PDK1: variants seen among roughly 807,000 people sequenced by gnomAD.
PDK1 encodes the protein pyruvate dehydrogenase kinase 1.
PDK1 carries 39 observed loss-of-function variants against 54.2 expected under a neutral mutation model. The ratio of observed to expected loss-of-function variants is 0.72; its 90% CI spans 0.56 to 0.94. The LOEUF (loss-of-function observed/expected upper bound fraction) is 0.94. Ranked by LOEUF, PDK1 falls within the 40% of genes least tolerant of loss-of-function variation. The pLI, the probability that PDK1 is intolerant of heterozygous loss-of-function variation, is 0.00. For missense variants in PDK1, 552 were observed against 566.0 expected, an observed-to-expected ratio of 0.98 and a Z score of 0.25; for synonymous variants, 221 against 207.1, an observed-to-expected ratio of 1.07 and a Z score of -0.58.
At position 172,604,953 on chromosome 2, in the gene PDK1, A is replaced by T. The variant is rs1168166886; in HGVS notation, c.*8984A>T. 6.6e-6 allele frequency: 1 copy of T among 152,230 alleles called. No homozygotes were observed. 9.4% of individuals were successfully genotyped at this position (152,230 alleles called of 1,614,324 possible). On this transcript the variant is annotated 3_prime_UTR_variant, in exon 11 of 11. Coordinates refer to ENST00000282077, the MANE Select transcript of PDK1 (RefSeq NM_002610.5). ...CCAAATGGCAGGCAGTAAATGGCTT[A>T]TTAAGCAAGTATAAGATTCAAGATC...
the PDK1 span, among the ~76,000 whole-genome samples, chr2:172,691,642 T>C: frequency 6.6e-6 from 1 of 152,236 alleles, no homozygotes; most frequent in East Asian, 1.9e-4. Flanking sequence ...TTTTGCAGAA[T>C]GTCATATAGT....
chr2:172,690,454 G>A, the PDK1 span, among the ~76,000 whole-genome samples: 1 of 150,234 alleles, frequency 6.7e-6, no homozygotes, highest in African/African-American at 2.4e-5. Flanking sequence ...GATTCCTCAG[G>A]GATCTAGAAC....
At chr2:172,673,853 C>G in the PDK1 span, among the ~76,000 whole-genome samples, 2 of 152,310 alleles carry the variant, frequency 1.3e-5, no homozygotes, top group East Asian at 3.9e-4. Flanking sequence ...AAATCCAAAA[C>G]AACCCATCTG....
the PDK1 span, among the ~76,000 whole-genome samples, chr2:172,624,707 G>A: frequency 6.6e-6 from 1 of 152,124 alleles, no homozygotes; most frequent in Non-Finnish European, 1.5e-5. Flanking sequence ...GAATAAGAAG[G>A]AAGGGGCAGG....
chr2:172,613,106 G>T (rs1691513834), downstream of PDK1, among the ~76,000 whole-genome samples: 1 of 152,168 alleles, frequency 6.6e-6, no homozygotes, highest in African/African-American at 2.4e-5. Flanking sequence ...AGCAGTACTG[G>T]GCATAGAGAA....
intron 6 of PDK1, 31 bp from the exon 7 acceptor site, chr2:172,568,710 T>C (rs528846597): frequency 1.5e-6 from 2 of 1,336,946 alleles, no homozygotes; most frequent in South Asian, 2.3e-5. Flanking sequence ...CATCTCTCTG[T>C]ACTTTCATAT....
At chr2:172,702,023 A>G in the PDK1 span, among the ~76,000 whole-genome samples, 2 of 152,248 alleles carry the variant, frequency 1.3e-5, no homozygotes, top group South Asian at 4.1e-4. Context: ...ATCTTCCTCC[A>G]AAAAGGATTT....
rs1448237543 is a variant in PDK1, at chr2:172,568,924, T to C, written c.846+107T>C. ...GGTTCTCCTATTAAGAAGTGCCATTTCACATCAGTATCATATCACATTGCT... is the reference window on the plus strand; with the variant it reads ...GGTTCTCCTATTAAGAAGTGCCATTCCACATCAGTATCATATCACATTGCT... On this transcript the variant is annotated intron_variant, in intron 7 of 10. Transcript: ENST00000282077. 1.3e-5 allele frequency: 9 copies of C among 698,622 alleles called. No individual in the cohort carries two copies. The Admixed American group carries it at 2.0e-4, about 16-fold the overall frequency. The allele number at this position is 698,622 out of a possible 1,614,324, so 43.3% of individuals were successfully genotyped here. A position where few individuals can be genotyped will look rare whatever the true frequency, so the allele number is the denominator to read the frequency against.
chr2:172,559,684 A>C (rs1205888600), intron 2 of PDK1, among the ~76,000 whole-genome samples: 1 of 152,054 alleles, frequency 6.6e-6, no homozygotes, highest in East Asian at 1.9e-4. Flanking sequence ...AGTAGCTGGG[A>C]TTACAGGCAC....
At chr2:172,629,870 A>C in the PDK1 span, among the ~76,000 whole-genome samples, 1 of 152,150 alleles carries the variant, frequency 6.6e-6, no homozygotes, top group Non-Finnish European at 1.5e-5. Flanking sequence ...CCGTCCTGTG[A>C]AGGTTTGAAA....
At chr2:172,579,163 C>T (rs998117909) in intron 8 of PDK1, among the ~76,000 whole-genome samples, 1 of 152,130 alleles carries the variant, frequency 6.6e-6, no homozygotes, top group Non-Finnish European at 1.5e-5. Flanking sequence ...TATTGTTTGC[C>T]CTAGCTGTTG....
chr2:172,644,820 G>A, the PDK1 span, among the ~76,000 whole-genome samples: 1 of 152,172 alleles, frequency 6.6e-6, no homozygotes, highest in Non-Finnish European at 1.5e-5. Flanking sequence ...GGAGTGTGAT[G>A]TCAGTCAGTA....
At chr2:172,578,400 T>G (rs1689694068) in intron 8 of PDK1, among the ~76,000 whole-genome samples, 1 of 152,236 alleles carries the variant, frequency 6.6e-6, no homozygotes, top group African/African-American at 2.4e-5. Context: ...AACTTAGTTC[T>G]CTTATATAAT....
At position 172,596,297 on chromosome 2, in the gene PDK1, CTTTCA is replaced by C. The variant is rs1262939516; in HGVS notation, c.*332_*336del. ...ACTAGTTTTTTTTTTTTAAGAAATACTTTCATTTATGTTTGCTAGAAACATTTTCT... is the reference window on the plus strand; with the variant it reads ...ACTAGTTTTTTTTTTTTAAGAAATACTTTATGTTTGCTAGAAACATTTTCT... On this transcript the variant is annotated 3_prime_UTR_variant, in exon 11 of 11. Transcript: ENST00000282077. 1.7e-5 allele frequency: 3 copies of C among 171,578 alleles called. No homozygotes were observed. Among genetic ancestry groups the C allele is most frequent in the South Asian group, 1.7e-4 (1 of 5,900 alleles). The allele number at this position is 171,578 out of a possible 1,614,324, so 10.6% of individuals were successfully genotyped here.
chr2:172,603,791 G>A lies in PDK1; in HGVS notation c.*7822G>A, dbSNP rs1228641755. On this transcript the variant is annotated 3_prime_UTR_variant, in exon 11 of 11. Transcript: ENST00000282077. ...CTTATGCCTGTGAATGGAAGGCCCT[G>A]ATAAAACTTCATTATTAATGTTCTG... 1 of 152,190 alleles carries A rather than the reference G, an allele frequency of 6.6e-6. No individual in the cohort carries two copies. Among genetic ancestry groups the A allele is most frequent in the Non-Finnish European group, 1.5e-5 (1 of 68,046 alleles). The allele number at this position is 152,190 out of a possible 1,614,324, so 9.4% of individuals were successfully genotyped here. A position where few individuals can be genotyped will look rare whatever the true frequency, so the allele number is the denominator to read the frequency against.
At chr2:172,609,002 A>G (rs1691383185), downstream of PDK1, among the ~76,000 whole-genome samples, 1 of 152,254 alleles carries the variant, frequency 6.6e-6, no homozygotes, top group Non-Finnish European at 1.5e-5. Context: ...CAAATCAATG[A>G]AGATAAACTT....
At chr2:172,653,991 A>T in the PDK1 span, among the ~76,000 whole-genome samples, 2 of 152,242 alleles carry the variant, frequency 1.3e-5, no homozygotes, top group Non-Finnish European at 2.9e-5. Context: ...TCAAAAGAAA[A>T]CATTTATGCA....
At chr2:172,624,303 G>A in the PDK1 span, among the ~76,000 whole-genome samples, 1 of 152,094 alleles carries the variant, frequency 6.6e-6, no homozygotes, top group Non-Finnish European at 1.5e-5. Flanking sequence ...CCAGTCTGTG[G>A]CCTGTAAGGA....
At chr2:172,623,698 T>G in the PDK1 span, among the ~76,000 whole-genome samples, 1 of 151,996 alleles carries the variant, frequency 6.6e-6, no homozygotes, top group Non-Finnish European at 1.5e-5. Flanking sequence ...CCCATAAACC[T>G]CAGTACAGGC....
Sources: allele counts gnomAD v4.1 joint callset (sites outside exome capture counted in the v4.1 genomes callset), GRCh38; gene constraint gnomAD v4.1.1; transcripts MANE v1.5; gene names NCBI Gene and HGNC (gene_info 2026-07-23, HGNC 2026-07-21).